MYRFL: variants seen among roughly 807,000 people sequenced by gnomAD.
The protein encoded by MYRFL is myelin regulatory factor-like protein.
Under a neutral mutation model 109.4 loss-of-function variants are expected in MYRFL, and 88 were observed. That is an observed-to-expected ratio of 0.80 (90% CI 0.68 to 0.96). MYRFL has a LOEUF of 0.96. Ranked by LOEUF, MYRFL falls within the 40% of genes least tolerant of loss-of-function variation. MYRFL has a pLI of 0.00. For synonymous variants in MYRFL, 324 were observed against 320.9 expected, an observed-to-expected ratio of 1.01 and a Z score of -0.10; for missense variants, 957 against 954.9, an observed-to-expected ratio of 1.00 and a Z score of -0.03.
chr12:69,890,864 C>A (rs1005074307), intron 6 of MYRFL, 107 bp from the exon 7 acceptor site: 2 of 811,052 alleles, frequency 2.5e-6, no homozygotes, highest in African/African-American at 1.8e-5. Flanking sequence ...GCAAAAGGCA[C>A]TTTTCACAGT....
At chr12:69,924,200 A>G (rs1005293668) in intron 13 of MYRFL, among the ~76,000 whole-genome samples, 1 of 151,992 alleles carries the variant, frequency 6.6e-6, no homozygotes, top group African/African-American at 2.4e-5. Context: ...GAAAAAAAAA[A>G]AAAAAAAAAA....
chr12:69,833,818 A>G (rs1211342021), intron 1 of MYRFL, among the ~76,000 whole-genome samples: 2 of 137,480 alleles, frequency 1.5e-5, no homozygotes, highest in Admixed American at 7.9e-5. Context: ...GAAGCAGAAG[A>G]TAGGGCTTGC....
intron 6 of MYRFL, among the ~76,000 whole-genome samples, chr12:69,890,219 C>T (rs983974702): frequency 2.0e-5 from 3 of 152,108 alleles, no homozygotes; most frequent in Non-Finnish European, 2.9e-5. Context: ...ATCCAAGTGA[C>T]TTTTTAAATA....
chr12:69,870,253 T>A (rs1443290088), intron 2 of MYRFL, among the ~76,000 whole-genome samples: 1 of 141,954 alleles, frequency 7.0e-6, no homozygotes, highest in South Asian at 2.2e-4. Flanking sequence ...TTTTTTGGTA[T>A]CTTTAGTGAA....
chr12:69,892,666 A>G lies in MYRFL; in HGVS notation c.904-1098A>G, dbSNP rs555255290. Reference sequence around the variant, plus strand: ...TGTTCTTGCACCAAACTGAGCTCTTAAAAACAAAACAAAACAAAAACCAAA... The same window carrying G: ...TGTTCTTGCACCAAACTGAGCTCTTGAAAACAAAACAAAACAAAAACCAAA... On this transcript the variant is annotated intron_variant, in intron 7 of 24. Coordinates refer to ENST00000552032, the MANE Select transcript of MYRFL (RefSeq NM_182530.3). Among the ~76,000 whole-genome samples the G allele has an allele frequency of 2.6e-5, 4 of 152,358 alleles. No individual in the cohort carries two copies. The South Asian group carries it at 6.2e-4, about 24-fold the overall frequency.
chr12:69,935,438 T>C (rs1955417458), intron 16 of MYRFL, among the ~76,000 whole-genome samples: 1 of 152,204 alleles, frequency 6.6e-6, no homozygotes, highest in East Asian at 1.9e-4. Flanking sequence ...ATGAGGATTG[T>C]TGGGAATAGC....
chr12:69,922,183 G>A (rs927445390), intron 13 of MYRFL, among the ~76,000 whole-genome samples: 10 of 152,004 alleles, frequency 6.6e-5, no homozygotes, highest in Non-Finnish European at 1.2e-4. Context: ...GGCTGCTGGT[G>A]GACATCAGCT....
rs1955441853 is a variant in MYRFL at position 69,935,995 on chromosome 12, C to G, written c.1917-118C>G. ...AGCCGTGGCCATCCCCTCCCCCCTG[C>G]TCCCATCTGTGTGGCCTGTGAGAGT... On this transcript the variant is annotated intron_variant, in intron 16 of 24. Coordinates refer to ENST00000552032, the MANE Select transcript of MYRFL (RefSeq NM_182530.3). The G allele has an allele frequency of 5.7e-6, 7 of 1,235,816 alleles. No individual in the cohort carries two copies. The East Asian group carries it at 1.8e-4, about 31-fold the overall frequency. The allele number at this position is 1,235,816 out of a possible 1,614,324, so 76.6% of individuals were successfully genotyped here.
Position 69,926,556 on chromosome 12 carries a change from A to AT in MYRFL, c.1603-10dup, listed in dbSNP as rs1955090173. ...ATTGTTAATTTATGCACTCTGTTTG[A>AT]TTTTTCCCTTTTAGGACCAGATCTT... On this transcript the variant is annotated splice_polypyrimidine_tract_variant and intron_variant, in intron 13 of 24. Coordinates refer to ENST00000552032, the MANE Select transcript of MYRFL (RefSeq NM_182530.3). The AT allele has an allele frequency of 1.4e-6, 2 of 1,479,696 alleles. No individual in the cohort carries two copies. Among genetic ancestry groups the AT allele is most frequent in the East Asian group, 2.5e-5 (1 of 40,350 alleles). The allele number at this position is 1,479,696 out of a possible 1,614,324, so 91.7% of individuals were successfully genotyped here. A position where few individuals can be genotyped will look rare whatever the true frequency, so the allele number is the denominator to read the frequency against.
At chr12:69,922,889 T>G (rs2120432748) in intron 13 of MYRFL, among the ~76,000 whole-genome samples, 1 of 152,344 alleles carries the variant, frequency 6.6e-6, no homozygotes, top group South Asian at 2.1e-4. Context: ...ACAGTGATAC[T>G]CTATCATTTC....
intron 13 of MYRFL, among the ~76,000 whole-genome samples, chr12:69,924,665 T>C (rs557164120): frequency 6.6e-6 from 1 of 152,348 alleles, no homozygotes; most frequent in East Asian, 1.9e-4. Flanking sequence ...CAGATGGTTT[T>C]ATCAATTTGT....
intron 21 of MYRFL, among the ~76,000 whole-genome samples, chr12:69,954,510 A>G (rs1311634775): frequency 6.6e-6 from 1 of 152,192 alleles, no homozygotes; most frequent in Non-Finnish European, 1.5e-5. Context: ...TTTATATTCA[A>G]GATGTATAAT....
chr12:69,924,804 GT>G (rs1402981185), intron 13 of MYRFL, among the ~76,000 whole-genome samples: 1 of 152,068 alleles, frequency 6.6e-6, no homozygotes, highest in Non-Finnish European at 1.5e-5. Context: ...TTTTTGGTAA[GT>G]TTTCTTGAAG....
In MYRFL at chr12:69,896,146, C is replaced by T. The variant is rs569800018; in HGVS notation, c.1091+665C>T. On this transcript the variant is annotated intron_variant, in intron 9 of 24. Transcript: ENST00000552032. ...CTATTTGATACTGGCATTTACTAGG[C>T]GGGTGACCTTGGGCATATAACTTAA... 1.4e-4 allele frequency among the ~76,000 whole-genome samples: 21 copies of T among 152,206 alleles called. No homozygotes were observed. The South Asian group carries it at 3.1e-3, about 23-fold the overall frequency.
At chr12:69,929,049 A>G (rs1203858867) in intron 15 of MYRFL, among the ~76,000 whole-genome samples, 4 of 152,186 alleles carry the variant, frequency 2.6e-5, no homozygotes, top group African/African-American at 9.7e-5. Context: ...CTCTCATGTC[A>G]CTAGGGACTA....
At chr12:69,875,695 C>T (rs1169831277) in intron 2 of MYRFL, among the ~76,000 whole-genome samples, 2 of 152,128 alleles carry the variant, frequency 1.3e-5, no homozygotes, top group Admixed American at 6.5e-5. Flanking sequence ...ACTGCACAGG[C>T]GAGGGGGATC....
At chr12:69,827,917 T>A (rs1264507324) in intron 1 of MYRFL, among the ~76,000 whole-genome samples, 3 of 152,102 alleles carry the variant, frequency 2.0e-5, no homozygotes, top group Admixed American at 2.0e-4. Context: ...TGAATATACT[T>A]TAAGCATTAA....
chr12:69,941,145 G>A, intron 19 of MYRFL, among the ~76,000 whole-genome samples: 1 of 63,982 alleles, frequency 1.6e-5, no homozygotes, highest in African/African-American at 6.1e-5. Context: ...AGTCAACAAG[G>A]ATACCCAGGA....
At chr12:69,862,853 T>A (rs1261873555) in intron 2 of MYRFL, among the ~76,000 whole-genome samples, 1 of 152,152 alleles carries the variant, frequency 6.6e-6, no homozygotes, top group Non-Finnish European at 1.5e-5. Flanking sequence ...TGCTTCCAGT[T>A]TTTGCCCATT....
Sources: allele counts gnomAD v4.1 joint callset (sites outside exome capture counted in the v4.1 genomes callset), GRCh38; gene constraint gnomAD v4.1.1; transcripts MANE v1.5; gene names NCBI Gene and HGNC (gene_info 2026-07-23, HGNC 2026-07-21).